Variants in RBFOX1 observed in about 807,000 individuals in gnomAD.
RBFOX1 encodes RNA binding protein fox-1 homolog 1.
In RBFOX1, 8 loss-of-function variants were observed where a neutral mutation model predicts 57.7. The observed-to-expected ratio is 0.14, with a 90% CI of 0.08 to 0.25. RBFOX1 has a LOEUF of 0.25. RBFOX1 is among the 10% of genes least tolerant of loss of function. The probability of loss-of-function intolerance (pLI) is 1.00; values close to 1 mark genes in which losing one functional copy is unlikely to be tolerated. For missense variants in RBFOX1, 611 were observed against 548.5 expected, an observed-to-expected ratio of 1.11 and a Z score of -1.14; for synonymous variants, 326 against 222.4, an observed-to-expected ratio of 1.47 and a Z score of -4.15.
chr16:5,879,066 C>G (rs533515098), intron 4 of RBFOX1, among the ~76,000 whole-genome samples: 11 of 152,320 alleles, frequency 7.2e-5, no homozygotes, highest in Non-Finnish European at 1.5e-4. Context: ...CTCCTTACAG[C>G]TCAGCAGCCA....
chr16:5,777,647 C>G (rs1188672668), intron 3 of RBFOX1, among the ~76,000 whole-genome samples: 1 of 152,128 alleles, frequency 6.6e-6, no homozygotes, highest in Non-Finnish European at 1.5e-5. Flanking sequence ...CGGAATAATG[C>G]TAGTACAACC....
chr16:6,873,289 C>T (rs568444056), intron 3 of RBFOX1, among the ~76,000 whole-genome samples: 4 of 152,268 alleles, frequency 2.6e-5, no homozygotes, highest in Middle Eastern at 3.4e-3. Flanking sequence ...CAAAGCATAA[C>T]TCTTTTAACA....
At chr16:5,552,824 G>T (rs1192961284) in intron 2 of RBFOX1, among the ~76,000 whole-genome samples, 2 of 115,608 alleles carry the variant, frequency 1.7e-5, no homozygotes, top group South Asian at 7.5e-4. Flanking sequence ...CCTCGGAGCA[G>T]ATACAGCCCT....
At chr16:6,594,448 G>T (rs1189947654) in intron 2 of RBFOX1, among the ~76,000 whole-genome samples, 1 of 152,142 alleles carries the variant, frequency 6.6e-6, no homozygotes, top group East Asian at 1.9e-4. Context: ...GGGGGTCTGT[G>T]GCAAACTCGG....
At chr16:6,979,667 A>T (rs1813089298) in intron 3 of RBFOX1, among the ~76,000 whole-genome samples, 2 of 152,226 alleles carry the variant, frequency 1.3e-5, no homozygotes, top group Admixed American at 1.3e-4. Context: ...TTATGTTTCA[A>T]TAGAATTCAA....
chr16:6,723,984 C>T (rs981194198), intron 3 of RBFOX1: 1 of 152,094 alleles, frequency 6.6e-6, no homozygotes, highest in African/African-American at 2.4e-5. Flanking sequence ...AGGATTTTCA[C>T]TTAACCGTTT....
At chr16:6,257,165 A>C (rs1183775629) in intron 1 of RBFOX1, among the ~76,000 whole-genome samples, 1 of 152,110 alleles carries the variant, frequency 6.6e-6, no homozygotes, top group African/African-American at 2.4e-5. Context: ...GGTTTGTTCC[A>C]CAGGTAAACA....
chr16:7,056,646 C>T lies in RBFOX1; in HGVS notation c.27+4548C>T, dbSNP rs1241033647. On this transcript the variant is annotated intron_variant, in intron 4 of 15. Transcript: ENST00000550418. The stretch of plus-strand genomic sequence containing the variant: ...TACCAGTTGAGGGAGATTGTATGTT[C>T]ATAGGGTGGGAGATTCCAAAGCCCA... 2.0e-5 allele frequency among the ~76,000 whole-genome samples: 3 copies of T among 152,116 alleles called. 1 individual carries two copies. Among genetic ancestry groups the T allele is most frequent in the Admixed American group, 2.0e-4 (3 of 15,272 alleles).
chr16:5,510,354 C>A (rs75039217), intron 2 of RBFOX1, among the ~76,000 whole-genome samples: 1 of 152,162 alleles, frequency 6.6e-6, no homozygotes, highest in African/African-American at 2.4e-5. Context: ...GGGGGTCTGC[C>A]TGGTGTCTCT....
chr16:5,523,279 C>G (rs1202288020), intron 2 of RBFOX1, among the ~76,000 whole-genome samples: 1 of 151,564 alleles, frequency 6.6e-6, no homozygotes. Flanking sequence ...GAGCAAGACT[C>G]TGTTTCAAAA....
chr16:7,122,263 A>G (rs2067357222), intron 4 of RBFOX1, among the ~76,000 whole-genome samples: 1 of 152,190 alleles, frequency 6.6e-6, no homozygotes, highest in Admixed American at 6.5e-5. Context: ...ACAAATGTTC[A>G]GTATCTAGAA....
At chr16:7,435,807 A>T (rs944977334) in intron 4 of RBFOX1, among the ~76,000 whole-genome samples, 2 of 152,204 alleles carry the variant, frequency 1.3e-5, no homozygotes, top group Admixed American at 1.3e-4. Context: ...TCCTGTGTCA[A>T]AGAAATTAAA....
At chr16:6,372,044 G>A (rs936968490) in intron 2 of RBFOX1, among the ~76,000 whole-genome samples, 1 of 152,194 alleles carries the variant, frequency 6.6e-6, no homozygotes, top group African/African-American at 2.4e-5. Flanking sequence ...AACGATGGTT[G>A]AATGAAAGGA....
intron 4 of RBFOX1, among the ~76,000 whole-genome samples, chr16:7,063,065 A>G (rs2054977858): frequency 6.6e-6 from 1 of 151,974 alleles, no homozygotes; most frequent in Non-Finnish European, 1.5e-5. Context: ...ACTCTTCATC[A>G]TACCCTGCAA....
At chr16:7,435,256 C>G (rs963680529) in intron 4 of RBFOX1, among the ~76,000 whole-genome samples, 4 of 151,894 alleles carry the variant, frequency 2.6e-5, no homozygotes, top group African/African-American at 7.3e-5. Context: ...TTTTGGAGTA[C>G]TAAGCAGGTG....
intron 3 of RBFOX1, among the ~76,000 whole-genome samples, chr16:6,657,433 G>C (rs569187132): frequency 1.3e-5 from 2 of 151,982 alleles, no homozygotes; most frequent in African/African-American, 2.4e-5. Flanking sequence ...CACCCCAGCA[G>C]AACAGCTCCA....
intron 4 of RBFOX1, among the ~76,000 whole-genome samples, chr16:7,252,475 C>G (rs748276383): frequency 2.6e-5 from 4 of 152,182 alleles, no homozygotes; most frequent in African/African-American, 4.8e-5. Flanking sequence ...TCATCGTCAG[C>G]ACTGAAGTAT....
At chr16:6,960,438 G>A (rs1235542957) in intron 3 of RBFOX1, among the ~76,000 whole-genome samples, 2 of 152,120 alleles carry the variant, frequency 1.3e-5, no homozygotes, top group South Asian at 4.1e-4. Context: ...CCGGTTACAG[G>A]AATAAACTCC....
intron 3 of RBFOX1, among the ~76,000 whole-genome samples, chr16:5,762,613 T>A (rs565010668): frequency 6.6e-6 from 1 of 152,338 alleles, no homozygotes; most frequent in Non-Finnish European, 1.5e-5. Flanking sequence ...CAGAAGGCAC[T>A]CTATAAATAG....
Sources: gnomAD v4.1 joint callset for allele counts (sites outside exome capture counted in the v4.1 genomes callset) on GRCh38, gnomAD v4.1.1 for gene constraint, MANE v1.5 for transcripts, NCBI Gene and HGNC (gene_info 2026-07-23, HGNC 2026-07-21) for gene names.